Variants in FRK observed in about 807,000 individuals in gnomAD.
The protein encoded by FRK is fyn related Src family tyrosine kinase, also known as tyrosine-protein kinase FRK.
FRK carries 51 observed loss-of-function variants against 56.4 expected under a neutral mutation model. The observed-to-expected ratio is 0.90, with a 90% CI of 0.72 to 1.14. The LOEUF (loss-of-function observed/expected upper bound fraction) is 1.14, where lower values mean the gene tolerates loss of function less well. Among genes scored for constraint, FRK ranks in the 50% most tolerant of loss-of-function variants. The pLI is 0.00. For synonymous variants in FRK, 245 were observed against 217.9 expected (o/e 1.12, Z -1.10); for missense variants, 570 against 601.4 (o/e 0.95, Z 0.55).
intron 1 of FRK, among the ~76,000 whole-genome samples, chr6:116,018,728 A>C (rs1317424961): frequency 3.9e-5 from 6 of 152,182 alleles, no homozygotes; most frequent in African/African-American, 1.4e-4. Context: ...CAATTAAATA[A>C]AATTTTATTC....
At chr6:115,994,541 A>T (rs1010217718) in intron 2 of FRK, among the ~76,000 whole-genome samples, 1 of 152,086 alleles carries the variant, frequency 6.6e-6, no homozygotes, top group Non-Finnish European at 1.5e-5. Flanking sequence ...TTGCCAGAAA[A>T]AGAGTGGATC....
chr6:115,949,846 G>A lies in FRK; in HGVS notation c.959-5421C>T, dbSNP rs143886065. ...TACCAAAACAGATATCTAGACCAAC[G>A]GAACAGAACAGAGGCCTCAGAAATA... On this transcript the variant is annotated intron_variant, in intron 5 of 7. Transcript: ENST00000606080. 9.6e-3 allele frequency among the ~76,000 whole-genome samples: 1,460 copies of A among 151,456 alleles called. 14 individuals carry two copies. Among genetic ancestry groups the A allele is most frequent in the African/African-American group, 0.028 (1,151 of 40,832 alleles).
chr6:116,033,704 A>T (rs904585694), intron 1 of FRK, among the ~76,000 whole-genome samples: 1 of 152,194 alleles, frequency 6.6e-6, no homozygotes, highest in African/African-American at 2.4e-5. Flanking sequence ...GGAGACTCAG[A>T]AGTCAACTCT....
the FRK span, among the ~76,000 whole-genome samples, chr6:116,068,834 T>TA: frequency 2.9e-3 from 411 of 144,004 alleles, no homozygotes; most frequent in East Asian, 0.014. Flanking sequence ...AATTCAGGTT[T>TA]AAAAAAAAAA....
intron 1 of FRK, among the ~76,000 whole-genome samples, chr6:116,017,494 ACT>A (rs1396887910): frequency 9.9e-5 from 15 of 152,042 alleles, no homozygotes; most frequent in African/African-American, 3.6e-4. Flanking sequence ...GTCTGAGCAC[ACT>A]CTGGCTCAGG....
At chr6:115,966,378 A>G (rs1480538294) in intron 4 of FRK, among the ~76,000 whole-genome samples, 1 of 152,236 alleles carries the variant, frequency 6.6e-6, no homozygotes, top group Non-Finnish European at 1.5e-5. Flanking sequence ...ATGTTGTTCT[A>G]AAGTTGAAAC....
rs1374872635 is a variant in FRK, at chr6:115,962,106, G to A, written c.799+5445C>T. Among the ~76,000 whole-genome samples, 5 of 144,030 alleles carry A rather than the reference G, an allele frequency of 3.5e-5. 1 individual carries two copies. The highest frequency in any genetic ancestry group is 7.6e-5 in the Non-Finnish European group (5 of 65,994). 94.5% of individuals were successfully genotyped at this position (144,030 alleles called of 152,430 possible). ...ATTAAAAGACACAGACTGGCAAGTT[G>A]GATAAAAAGTCAAGACCCATCAGTG... is the stretch of plus-strand genomic sequence containing the variant. On this transcript the variant is annotated intron_variant, in intron 4 of 7. Coordinates refer to ENST00000606080, the MANE Select transcript of FRK (RefSeq NM_002031.3).
intron 5 of FRK, among the ~76,000 whole-genome samples, chr6:115,947,950 C>T (rs1288829961): frequency 6.6e-6 from 1 of 152,146 alleles, no homozygotes; most frequent in South Asian, 2.1e-4. Flanking sequence ...AAATGGCTCC[C>T]AGTTACCAGT....
chr6:115,954,645 T>C (rs1420786230), intron 5 of FRK, among the ~76,000 whole-genome samples: 1 of 152,168 alleles, frequency 6.6e-6, no homozygotes, highest in Non-Finnish European at 1.5e-5. Flanking sequence ...TTGGGGCATG[T>C]CATCTTGAGA....
At chr6:116,059,753 T>C (rs548225772) in intron 1 of FRK, among the ~76,000 whole-genome samples, 6 of 152,218 alleles carry the variant, frequency 3.9e-5, no homozygotes, top group Admixed American at 6.5e-5. Context: ...TGGATGTACA[T>C]ACTGTAATTG....
intron 2 of FRK, among the ~76,000 whole-genome samples, chr6:115,998,155 C>G (rs1774914761): frequency 6.6e-6 from 1 of 152,192 alleles, no homozygotes; most frequent in Admixed American, 6.5e-5. Flanking sequence ...TTGCTTCTGT[C>G]TGCAGAATGC....
At chr6:116,024,813 C>T (rs376091451) in intron 1 of FRK, among the ~76,000 whole-genome samples, 5 of 152,006 alleles carry the variant, frequency 3.3e-5, no homozygotes, top group South Asian at 2.1e-4. Context: ...ATGGTATTTC[C>T]AGTTCTAGAT....
upstream of FRK, among the ~76,000 whole-genome samples, chr6:116,061,213 CAG>C (rs1160227030): frequency 1.3e-5 from 2 of 152,096 alleles, no homozygotes; most frequent in African/African-American, 4.8e-5. Flanking sequence ...TTGTCAGACA[CAG>C]AGCAATTGGA....
chr6:116,024,088 AC>A (rs1775983060), intron 1 of FRK, among the ~76,000 whole-genome samples: 1 of 151,656 alleles, frequency 6.6e-6, no homozygotes, highest in Non-Finnish European at 1.5e-5. Context: ...ACACACACAC[AC>A]ACACACACAC....
intron 2 of FRK, among the ~76,000 whole-genome samples, chr6:115,979,593 C>T (rs1774124115): frequency 6.6e-6 from 1 of 152,032 alleles, no homozygotes; most frequent in Non-Finnish European, 1.5e-5. Context: ...AGTACAATAA[C>T]ATCACAGGCC....
chr6:116,059,558 G>GT (rs550186992), intron 1 of FRK, among the ~76,000 whole-genome samples: 1 of 152,000 alleles, frequency 6.6e-6, no homozygotes, highest in African/African-American at 2.4e-5. Context: ...TGTTTCAAAA[G>GT]TTTTTTTTAA....
Position 116,060,418 on chromosome 6 carries a change from A to T in FRK, c.-107T>A. 4.9e-6 allele frequency: 4 copies of T among 824,740 alleles called. No homozygotes were observed. Among genetic ancestry groups the T allele is most frequent in the Non-Finnish European group, 7.7e-6 (4 of 519,986 alleles). The allele number at this position is 824,740 out of a possible 1,614,324, so 51.1% of individuals were successfully genotyped here. The stretch of plus-strand genomic sequence containing the variant: ...GCAACTTTGAAGTCAGCACCAACTC[A>T]CCATACTTCGGAGAGTATGCAAAGT... On this transcript the variant is annotated 5_prime_UTR_variant, in exon 1 of 8. Coordinates refer to ENST00000606080, the MANE Select transcript of FRK (RefSeq NM_002031.3).
intron 1 of FRK, among the ~76,000 whole-genome samples, chr6:116,023,488 T>C (rs1369742913): frequency 6.6e-6 from 1 of 152,158 alleles, no homozygotes; most frequent in Non-Finnish European, 1.5e-5. Flanking sequence ...AACAATATGA[T>C]TGAGCCTCAA....
chr6:116,011,030 A>T (rs1174314221), intron 1 of FRK, among the ~76,000 whole-genome samples: 1 of 152,210 alleles, frequency 6.6e-6, no homozygotes, highest in Non-Finnish European at 1.5e-5. Flanking sequence ...AAAAAGGGAA[A>T]GGAGAGCTGT....
Sources: gnomAD v4.1 joint callset for allele counts (sites outside exome capture counted in the v4.1 genomes callset) on GRCh38, gnomAD v4.1.1 for gene constraint, MANE v1.5 for transcripts, NCBI Gene and HGNC (gene_info 2026-07-23, HGNC 2026-07-21) for gene names.